Variants in TAFA2 observed in about 807,000 individuals in gnomAD.
TAFA2 encodes TAFA chemokine like family member 2, also known as chemokine-like protein TAFA-2.
In TAFA2, 7 loss-of-function variants were observed where a neutral mutation model predicts 18.8. That is an observed-to-expected ratio of 0.37 (90% CI 0.21 to 0.70). TAFA2 has a LOEUF of 0.70. TAFA2 is among the 30% of genes least tolerant of loss of function. TAFA2 has a pLI of 0.53. For missense variants in TAFA2, 122 were observed against 158.1 expected, an observed-to-expected ratio of 0.77 and a Z score of 1.23; for synonymous variants, 60 against 54.2, an observed-to-expected ratio of 1.11 and a Z score of -0.47.
chr12:61,995,926 A>T (rs1205779935), intron 1 of TAFA2, among the ~76,000 whole-genome samples: 1 of 152,142 alleles, frequency 6.6e-6, no homozygotes, highest in Non-Finnish European at 1.5e-5. Context: ...TCAATTGTAC[A>T]TTTGGGGTGA....
intron 1 of TAFA2, among the ~76,000 whole-genome samples, chr12:62,185,681 G>C (rs2062581443): frequency 6.6e-6 from 1 of 152,148 alleles, no homozygotes; most frequent in Admixed American, 6.5e-5. Context: ...CTGTCTATAA[G>C]CTAGTAATGA....
intron 1 of TAFA2, among the ~76,000 whole-genome samples, chr12:62,225,025 C>G (rs1472931272): frequency 1.3e-5 from 2 of 151,788 alleles, no homozygotes; most frequent in South Asian, 4.2e-4. Context: ...ACCCAGGAGG[C>G]GGAGGTTACA....
chr12:61,896,972 G>T (rs967093402), intron 1 of TAFA2, among the ~76,000 whole-genome samples: 7 of 152,080 alleles, frequency 4.6e-5, no homozygotes, highest in African/African-American at 1.7e-4. Flanking sequence ...TGAGGGTCCA[G>T]ATGATCTCAA....
At chr12:61,915,798 T>C (rs1434812404) in intron 1 of TAFA2, among the ~76,000 whole-genome samples, 15 of 152,158 alleles carry the variant, frequency 9.9e-5, no homozygotes, top group Non-Finnish European at 2.2e-4. Flanking sequence ...CACCTTTTTG[T>C]TCTATCCAGG....
chr12:62,229,387 CT>C (rs1196435153), intron 1 of TAFA2, among the ~76,000 whole-genome samples: 2 of 151,752 alleles, frequency 1.3e-5, no homozygotes, highest in Admixed American at 1.3e-4. Context: ...TGAGGTATGT[CT>C]TTTTTATAAC....
intron 1 of TAFA2, among the ~76,000 whole-genome samples, chr12:62,175,312 TCTTCAATAAGC>T (rs2062504769): frequency 6.6e-6 from 1 of 152,186 alleles, no homozygotes; most frequent in South Asian, 2.1e-4. Flanking sequence ...ATTTCTGTGC[TCTTCAATAAGC>T]CTGGCTACTT....
intron 1 of TAFA2, among the ~76,000 whole-genome samples, chr12:61,872,171 GA>G (rs1370158138): frequency 6.6e-6 from 1 of 151,884 alleles, no homozygotes; most frequent in Non-Finnish European, 1.5e-5. Context: ...AACCTGGAAG[GA>G]AAAAGGGGGG....
chr12:62,161,181 C>T lies in TAFA2; in HGVS notation c.-2+30078G>A, dbSNP rs538616321. Among the ~76,000 whole-genome samples, 26 of 152,268 alleles carry T rather than the reference C, an allele frequency of 1.7e-4. No homozygotes were observed. The South Asian group carries it at 5.2e-3, about 30-fold the overall frequency. On this transcript the variant is annotated intron_variant, in intron 1 of 4. Transcript: ENST00000416284. ...AATTCACCACCACTACAAATGCCAT[C>T]ACTCACTGATTCATCAAAAATCAGA... is the stretch of plus-strand genomic sequence containing the variant.
At chr12:61,941,873 G>T (rs1478572982) in intron 1 of TAFA2, among the ~76,000 whole-genome samples, 4 of 152,168 alleles carry the variant, frequency 2.6e-5, no homozygotes, top group African/African-American at 9.6e-5. Context: ...GCGAGGCTGG[G>T]GGAGGGGCGC....
rs190150862 is a variant in TAFA2, at chr12:61,809,473, A to G, written c.107-54449T>C. Among the ~76,000 whole-genome samples, 396 of 151,442 alleles carry G rather than the reference A, an allele frequency of 2.6e-3. 2 individuals carry two copies. The highest frequency in any genetic ancestry group is 0.01 in the South Asian group (50 of 4,826). On this transcript the variant is annotated intron_variant, in intron 2 of 4. Transcript: ENST00000416284. ...TCCTGCTGAGATTGTTCTTTCCACC[A>G]GATGTGGTTCAGAAGTAGTTGACCA...
chr12:61,815,760 C>T (rs1033089986), intron 2 of TAFA2, among the ~76,000 whole-genome samples: 8 of 150,918 alleles, frequency 5.3e-5, no homozygotes, highest in Non-Finnish European at 1.2e-4. Context: ...ATTTGAGAAT[C>T]GCAGTATTTA....
At chr12:62,032,648 T>C (rs1881490333) in intron 1 of TAFA2, among the ~76,000 whole-genome samples, 1 of 151,912 alleles carries the variant, frequency 6.6e-6, no homozygotes, top group Admixed American at 6.6e-5. Context: ...GAAACAACCC[T>C]CATATAAGAC....
At chr12:62,111,933 CTT>C (rs1290295157) in intron 1 of TAFA2, among the ~76,000 whole-genome samples, 7 of 152,136 alleles carry the variant, frequency 4.6e-5, no homozygotes, top group Admixed American at 2.0e-4. Context: ...TGTCTTGACT[CTT>C]TATCCAATTT....
chr12:62,173,184 G>A (rs955729246), intron 1 of TAFA2, among the ~76,000 whole-genome samples: 5 of 152,112 alleles, frequency 3.3e-5, no homozygotes, highest in African/African-American at 4.8e-5. Context: ...AGGCCGAGGC[G>A]GGAGGATCAC....
At chr12:61,881,206 T>C (rs1875121600) in intron 1 of TAFA2, among the ~76,000 whole-genome samples, 1 of 152,156 alleles carries the variant, frequency 6.6e-6, no homozygotes, top group Non-Finnish European at 1.5e-5. Context: ...TAGCTGATTA[T>C]TTGCCAATAT....
At chr12:61,733,857 C>G (rs1338263380) in intron 4 of TAFA2, among the ~76,000 whole-genome samples, 1 of 150,912 alleles carries the variant, frequency 6.6e-6, no homozygotes, top group Non-Finnish European at 1.5e-5. Flanking sequence ...TATAAATTAC[C>G]TTGGGCAGTA....
intron 4 of TAFA2, among the ~76,000 whole-genome samples, chr12:61,714,664 T>C (rs1869565441): frequency 6.6e-6 from 1 of 152,244 alleles, no homozygotes; most frequent in Admixed American, 6.5e-5. Flanking sequence ...CAATTATTTA[T>C]ACAGTTTCCA....
intron 1 of TAFA2, among the ~76,000 whole-genome samples, chr12:62,176,766 G>C (rs1194302174): frequency 2.6e-5 from 4 of 152,156 alleles, no homozygotes. Flanking sequence ...AATTGAAAAA[G>C]GGGGTCCTAC....
intron 1 of TAFA2, 99 bp from the exon 2 acceptor site, chr12:61,867,525 C>T: frequency 3.0e-6 from 2 of 662,962 alleles, no homozygotes; most frequent in East Asian, 2.7e-5. Context: ...ACTTTAACCC[C>T]TTCAACTTCT....
Sources: allele counts gnomAD v4.1 joint callset (sites outside exome capture counted in the v4.1 genomes callset), GRCh38; gene constraint gnomAD v4.1.1; transcripts MANE v1.5; gene names NCBI Gene and HGNC (gene_info 2026-07-23, HGNC 2026-07-21).